Variants in NCAPG2 observed in about 807,000 individuals in gnomAD.
NCAPG2 encodes condensin-2 complex subunit G2.
Under a neutral mutation model 141.1 loss-of-function variants are expected in NCAPG2, and 53 were observed. The observed-to-expected ratio is 0.38, with a 90% CI of 0.30 to 0.47. The LOEUF (loss-of-function observed/expected upper bound fraction) is 0.47. NCAPG2 is among the 20% of genes least tolerant of loss of function. The probability of loss-of-function intolerance (pLI) is 0.99; values close to 1 mark genes in which losing one functional copy is unlikely to be tolerated. For missense variants in NCAPG2, 1,087 were observed against 1,389.0 expected, an observed-to-expected ratio of 0.78 and a Z score of 3.46; for synonymous variants, 499 against 490.7, an observed-to-expected ratio of 1.02 and a Z score of -0.22.
chr7:158,656,770 G>T (rs1832011902), intron 17 of NCAPG2, 65 bp from the exon 18 acceptor site: 1 of 1,553,812 alleles, frequency 6.4e-7, no homozygotes, highest in African/African-American at 1.4e-5. Context: ...TTTGTCAAAA[G>T]GTGAGGAAAA....
intron 9 of NCAPG2, among the ~76,000 whole-genome samples, chr7:158,682,171 T>C (rs1292357631): frequency 6.6e-6 from 1 of 152,266 alleles, no homozygotes; most frequent in East Asian, 1.9e-4. Context: ...AAATAACATA[T>C]GAAAACATAC....
chr7:158,670,099 C>T (rs1833586527), intron 13 of NCAPG2, among the ~76,000 whole-genome samples: 1 of 152,226 alleles, frequency 6.6e-6, no homozygotes, highest in Non-Finnish European at 1.5e-5. Flanking sequence ...AAGGACCACA[C>T]ACATGGTCAA....
intron 27 of NCAPG2, chr7:158,641,289 A>G (rs765526951): frequency 1.2e-4 from 45 of 389,788 alleles, no homozygotes; most frequent in Non-Finnish European, 1.9e-4. Context: ...TAATCCAACT[A>G]TATCAATAAT....
intron 13 of NCAPG2, among the ~76,000 whole-genome samples, chr7:158,668,740 G>A (rs995683315): frequency 5.3e-5 from 8 of 152,154 alleles, no homozygotes; most frequent in Admixed American, 3.9e-4. Context: ...TTGCCTTAAA[G>A]TCTACTTTGT....
At chr7:158,655,539 T>C in intron 19 of NCAPG2, 84 bp from the exon 20 acceptor site, 2 of 1,193,254 alleles carry the variant, frequency 1.7e-6, no homozygotes, top group Non-Finnish European at 2.5e-6. Context: ...GGGAAGCACC[T>C]GATCCTCAGG....
intron 19 of NCAPG2, among the ~76,000 whole-genome samples, chr7:158,655,978 G>C (rs919947247): frequency 6.6e-6 from 1 of 152,244 alleles, no homozygotes; most frequent in Non-Finnish European, 1.5e-5. Context: ...CTCCTGCAGA[G>C]GGTGTGTTCT....
intron 2 of NCAPG2, among the ~76,000 whole-genome samples, chr7:158,694,967 C>G (rs1835358901): frequency 6.6e-6 from 1 of 152,164 alleles, no homozygotes; most frequent in East Asian, 1.9e-4. Flanking sequence ...TGACCTTAGA[C>G]AGTATCTTGA....
At chr7:158,654,794 T>C (rs751579033) in intron 21 of NCAPG2, 100 bp from the exon 22 acceptor site, 10 of 1,464,690 alleles carry the variant, frequency 6.8e-6, no homozygotes, top group South Asian at 6.0e-5. Flanking sequence ...AGTTATCTTA[T>C]AAAGCAGATT....
chr7:158,674,338 G>A (rs1181919739), intron 12 of NCAPG2, among the ~76,000 whole-genome samples: 1 of 151,014 alleles, frequency 6.6e-6, no homozygotes, highest in Non-Finnish European at 1.5e-5. Context: ...CCAAGCTGGA[G>A]TGCAGTGGCA....
In NCAPG2 at chr7:158,644,301, T is replaced by C; in HGVS notation, c.3368A>G (p.Asp1123Gly). The C allele has an allele frequency of 6.2e-7, 1 of 1,611,264 alleles. No individual in the cohort carries two copies. ...KTFMEITLEE[D>G]SIERFLYESS... The stretch of plus-strand genomic sequence containing the variant: ...ATCTCTCCTTTACCTTTCAATGCTA[T>C]CCTCTTCCAAAGTAATTTCCATGAA... The change falls in exon 27 of 28, where the codon GAT (aspartate) becomes GGT (glycine). Residue 1123 changes from aspartate to glycine, a missense_variant. Transcript: ENST00000356309.
chr7:158,647,215 A>G (rs1015941165), intron 24 of NCAPG2, among the ~76,000 whole-genome samples: 1 of 152,200 alleles, frequency 6.6e-6, no homozygotes, highest in Non-Finnish European at 1.5e-5. Flanking sequence ...GCGTTTCTCA[A>G]TCTCAGCACT....
At position 158,686,253 on chromosome 7, in the gene NCAPG2, G is replaced by GAT; in HGVS notation, c.768-14_768-13dup. 2 of 1,436,316 alleles carry GAT rather than the reference G, an allele frequency of 1.4e-6. No homozygotes were observed. The highest frequency in any genetic ancestry group is 1.9e-6 in the Non-Finnish European group (2 of 1,057,332). The allele number at this position is 1,436,316 out of a possible 1,614,324, so 89.0% of individuals were successfully genotyped here. On this transcript the variant is annotated splice_polypyrimidine_tract_variant and intron_variant, in intron 7 of 27. Coordinates refer to ENST00000356309, the MANE Select transcript of NCAPG2 (RefSeq NM_017760.7). ...ATACCATCAAAGACCTATATAAAAA[G>GAT]ATCAAAATAGTTTTAATGCAAATTT... is the stretch of plus-strand genomic sequence containing the variant.
Position 158,655,342 on chromosome 7 carries a change from G to A in NCAPG2, c.2502C>T (p.His834=). ...LHCRLSIHLQ[H]KFCSEGKVYL... is the part of the protein sequence containing the mutation. Reference sequence around the variant, plus strand: ...AGAGGGCCAGGAGCAGGCACACCTTGTGCTGAAGATGGATGCTCAGGCGAC... The same window carrying A: ...AGAGGGCCAGGAGCAGGCACACCTTATGCTGAAGATGGATGCTCAGGCGAC... Residue 834 remains histidine (H), a synonymous_variant, in exon 20 of 28, where the codon CAC becomes CAT. Coordinates refer to ENST00000356309, the MANE Select transcript of NCAPG2 (RefSeq NM_017760.7). 6.2e-7 allele frequency: 1 copy of A among 1,614,224 alleles called. No individual in the cohort carries two copies. The highest frequency in any genetic ancestry group is 8.5e-7 in the Non-Finnish European group (1 of 1,180,040).
intron 15 of NCAPG2, among the ~76,000 whole-genome samples, chr7:158,662,931 T>C (rs903638151): frequency 6.6e-6 from 1 of 152,178 alleles, no homozygotes; most frequent in Non-Finnish European, 1.5e-5. Context: ...TTAGTTTGTT[T>C]TAAAATAAAT....
At chr7:158,669,399 CACAGAACT>C (rs1833526603) in intron 13 of NCAPG2, among the ~76,000 whole-genome samples, 1 of 152,116 alleles carries the variant, frequency 6.6e-6, no homozygotes, top group African/African-American at 2.4e-5. Flanking sequence ...AGTGTAAAAG[CACAGAACT>C]ACAGTTTTAA....
chr7:158,669,819 T>G (rs917319748), intron 13 of NCAPG2, among the ~76,000 whole-genome samples: 1 of 150,560 alleles, frequency 6.6e-6, no homozygotes, highest in Non-Finnish European at 1.5e-5. Flanking sequence ...CTCTACATTT[T>G]TTTAAGAGAT....
rs148344400 is a variant in NCAPG2 at position 158,650,070 on chromosome 7, T to G, written c.3075+762A>C. On this transcript the variant is annotated intron_variant, in intron 24 of 27. Transcript: ENST00000356309. ...TGATATTAGCTACATTTTTTTTTCT[T>G]TGAGACGGAGTCTCGCCCTGTTGCC... is the stretch of plus-strand genomic sequence containing the variant. Among the ~76,000 whole-genome samples, 417 of 152,368 alleles carry G rather than the reference T, an allele frequency of 2.7e-3. 1 individual carries two copies. The highest frequency in any genetic ancestry group is 3.3e-3 in the Non-Finnish European group (222 of 68,034).
chr7:158,647,060 G>T (rs114780555), intron 24 of NCAPG2, among the ~76,000 whole-genome samples: 1,883 of 152,010 alleles, frequency 0.012, 50 homozygotes, highest in African/African-American at 0.042. Context: ...AAACGAAAGT[G>T]TTTATTCAGT....
At chr7:158,650,591 A>G (rs1030595216) in intron 24 of NCAPG2, among the ~76,000 whole-genome samples, 4 of 152,222 alleles carry the variant, frequency 2.6e-5, no homozygotes, top group African/African-American at 4.8e-5. Context: ...TGTAAGGACT[A>G]TATTTCTGTT....
Sources: allele counts gnomAD v4.1 joint callset (sites outside exome capture counted in the v4.1 genomes callset), GRCh38; gene constraint gnomAD v4.1.1; transcripts MANE v1.5; gene names NCBI Gene and HGNC (gene_info 2026-07-23, HGNC 2026-07-21).